Variants in ASXL2 observed in about 807,000 individuals in gnomAD.
The protein encoded by ASXL2 is putative Polycomb group protein ASXL2.
A neutral mutation model predicts 122.0 loss-of-function variants in ASXL2; 23 were observed. The observed-to-expected ratio is 0.19, with a 90% CI of 0.14 to 0.27. The LOEUF is 0.27. Among genes scored for constraint, ASXL2 ranks in the 10% least tolerant of loss-of-function variants. The pLI is 1.00. For missense variants in ASXL2, 1,518 were observed against 1,713.8 expected (o/e 0.89, Z 2.02); for synonymous variants, 650 against 637.0 (o/e 1.02, Z -0.31).
intron 5 of ASXL2, among the ~76,000 whole-genome samples, chr2:25,788,520 A>C (rs1034135382): frequency 6.6e-6 from 1 of 152,198 alleles, no homozygotes; most frequent in African/African-American, 2.4e-5. Flanking sequence ...GCAGTTTTCC[A>C]AAGTAGTTGT....
chr2:25,867,001 A>G (rs566404869), intron 1 of ASXL2, among the ~76,000 whole-genome samples: 1 of 152,230 alleles, frequency 6.6e-6, no homozygotes, highest in South Asian at 2.1e-4. Context: ...CCCAGGTTCA[A>G]GCGATTCTCC....
Position 25,742,930 on chromosome 2 carries a change from T to C in ASXL2, c.3407A>G (p.Glu1136Gly). 1.2e-6 allele frequency: 2 copies of C among 1,614,008 alleles called. No homozygotes were observed. Among genetic ancestry groups the C allele is most frequent in the Non-Finnish European group, 1.7e-6 (2 of 1,179,898 alleles). The change falls in exon 13 of 13, where the codon GAG becomes GGG. Residue 1136 changes from glutamate to glycine, a missense_variant. Transcript: ENST00000435504. ...TACAGAATGGGTCCTCCTAAAGCTC[T>C]CTGAGCCCCGGCCGTAGGTAGAAAT... Reference protein sequence around the residue: ...LNISTYGRGSESFRRTHSVNP... With the variant: ...LNISTYGRGSGSFRRTHSVNP...
intron 9 of ASXL2, among the ~76,000 whole-genome samples, chr2:25,757,275 A>G (rs1258182042): frequency 6.6e-6 from 1 of 152,038 alleles, no homozygotes; most frequent in Non-Finnish European, 1.5e-5. Flanking sequence ...CATAAGGACA[A>G]TGTTACTCAG....
rs1318675721 is a variant in ASXL2, at chr2:25,865,029, G to A, written c.57+13137C>T. Among the ~76,000 whole-genome samples, 3 of 151,548 alleles carry A rather than the reference G, an allele frequency of 2.0e-5. No individual in the cohort carries two copies. In the East Asian group the frequency reaches 5.9e-4, roughly 30 times the overall value. On this transcript the variant is annotated intron_variant, in intron 1 of 12. Coordinates refer to ENST00000435504, the MANE Select transcript of ASXL2 (RefSeq NM_018263.6). ...TTAGAAAAGGGGTTTTGCCATGTTG[G>A]CCAGCTTGGTCTCGAACTCCTGACC...
chr2:25,822,599 G>A, intron 3 of ASXL2: 1 of 532,958 alleles, frequency 1.9e-6, no homozygotes, highest in Non-Finnish European at 3.6e-6. Context: ...CAGAGGAAGT[G>A]ATAATTTTAA....
intron 1 of ASXL2, among the ~76,000 whole-genome samples, chr2:25,848,492 G>A (rs147802809): frequency 5.3e-5 from 8 of 151,978 alleles, no homozygotes; most frequent in East Asian, 1.9e-4. Context: ...GCGTGGTGGC[G>A]GACGCCTGTA....
chr2:25,762,092 ATTG>A (rs1305856623), intron 8 of ASXL2, among the ~76,000 whole-genome samples: 2 of 152,282 alleles, frequency 1.3e-5, no homozygotes, highest in East Asian at 1.9e-4. Flanking sequence ...TTAGCACTGA[ATTG>A]TTGTATTTCC....
At chr2:25,839,612 A>AT (rs2089552731) in intron 2 of ASXL2, among the ~76,000 whole-genome samples, 1 of 99,206 alleles carries the variant, frequency 1.0e-5, no homozygotes, top group African/African-American at 3.7e-5. Flanking sequence ...GGGAAATTCT[A>AT]TCTTTTTTTT....
intron 3 of ASXL2, among the ~76,000 whole-genome samples, chr2:25,824,979 T>C (rs1309312061): frequency 1.3e-5 from 2 of 152,224 alleles, no homozygotes; most frequent in Non-Finnish European, 2.9e-5. Context: ...CTTTGTCTTG[T>C]CTATAATCCT....
At chr2:25,757,749 T>G (rs2088162736) in intron 9 of ASXL2, among the ~76,000 whole-genome samples, 1 of 139,978 alleles carries the variant, frequency 7.1e-6, no homozygotes, top group Non-Finnish European at 1.5e-5. Context: ...CTAGATAACC[T>G]CTAAGATCCC....
intron 11 of ASXL2, 116 bp from the exon 12 acceptor site, chr2:25,750,529 TA>T: frequency 1.1e-6 from 1 of 889,002 alleles, no homozygotes; most frequent in South Asian, 1.8e-5. Context: ...ACACAGCAGG[TA>T]TTCATGTATT....
chr2:25,875,919 G>A (rs1326200527), intron 1 of ASXL2, among the ~76,000 whole-genome samples: 1 of 151,926 alleles, frequency 6.6e-6, no homozygotes, highest in South Asian at 2.1e-4. Context: ...TTATTCTACA[G>A]TCTGAAATAT....
At position 25,743,852 on chromosome 2, in the gene ASXL2, G is replaced by T; in HGVS notation, c.2485C>A (p.Gln829Lys). 3 of 1,614,024 alleles carry T rather than the reference G, an allele frequency of 1.9e-6. No individual in the cohort carries two copies. The highest frequency in any genetic ancestry group is 2.5e-6 in the Non-Finnish European group (3 of 1,179,906). Reference sequence around the variant, plus strand: ...CCTGTTGGAGAAGGTGCTTTCTCCTGTCTGCAACTACTGGGCCCTTGTGGA... The same window carrying T: ...CCTGTTGGAGAAGGTGCTTTCTCCTTTCTGCAACTACTGGGCCCTTGTGGA... ...SHPQGPSSCR[Q>K]EKAPSPTGPA... is the part of the protein sequence containing the mutation. Residue 829 changes from glutamine to lysine, a missense_variant, in exon 13 of 13, where the codon CAG becomes AAG. Physicochemically the swap from Gln to Lys is moderately conservative, Grantham distance 53. This residue lies in a region of ASXL2 where 831 missense variants were observed against 833.1 expected (regional missense o/e 1.00). Transcript: ENST00000435504.
chr2:25,742,405 A>C lies in ASXL2; in HGVS notation c.3932T>G (p.Leu1311Arg), dbSNP rs377592465. 5 of 677,134 alleles carry C rather than the reference A, an allele frequency of 7.4e-6. No individual in the cohort carries two copies. In the African/African-American group the frequency reaches 1.9e-4, roughly 26 times the overall value. The allele number at this position is 677,134 out of a possible 1,614,324, so 41.9% of individuals were successfully genotyped here. A position where few individuals can be genotyped will look rare whatever the true frequency, so the allele number is the denominator to read the frequency against. ...GCTTCCATACAACTTCGGGGTTTGC[A>C]GGGGTGGAAGGAGTAGGGGCTGGTG... ...PTHQPLLLPP[L>R]QTPKLYGSPT... The change falls in exon 13 of 13, where the codon CTG becomes CGG. Residue 1311 changes from leucine to arginine, a missense_variant. Physicochemically the swap from Leu to Arg is moderately radical, Grantham distance 102. Coordinates refer to ENST00000435504, the MANE Select transcript of ASXL2 (RefSeq NM_018263.6).
chr2:25,769,680 A>G (rs2088413214), intron 6 of ASXL2, among the ~76,000 whole-genome samples: 1 of 151,936 alleles, frequency 6.6e-6, no homozygotes, highest in Admixed American at 6.6e-5. Context: ...AAAAAAAAAG[A>G]AAAAGAAACG....
At chr2:25,758,680 G>T (rs867019809) in intron 9 of ASXL2, among the ~76,000 whole-genome samples, 3,459 of 133,800 alleles carry the variant, frequency 0.026, 122 homozygotes, top group African/African-American at 0.082. Flanking sequence ...TGCTACTTTT[G>T]TTTTTTTTTT....
chr2:25,872,858 T>C (rs1237413882), intron 1 of ASXL2, among the ~76,000 whole-genome samples: 1 of 152,136 alleles, frequency 6.6e-6, no homozygotes. Flanking sequence ...AAAAAGCACT[T>C]AGCCCAGACG....
At position 25,744,554 on chromosome 2, in the gene ASXL2, C is replaced by T. The variant is rs562967898; in HGVS notation, c.1861-78G>A. 16 of 1,460,142 alleles carry T rather than the reference C, an allele frequency of 1.1e-5. No homozygotes were observed. Among genetic ancestry groups the T allele is most frequent in the East Asian group, 6.8e-5 (3 of 43,830 alleles). The allele number at this position is 1,460,142 out of a possible 1,614,324, so 90.4% of individuals were successfully genotyped here. On this transcript the variant is annotated intron_variant, in intron 12 of 12. Coordinates refer to ENST00000435504, the MANE Select transcript of ASXL2 (RefSeq NM_018263.6). This position sits in a 1 kb window ranked among gnomAD's most constrained non-coding sequence, Gnocchi z 4.7. ...AATAACAAAACTTCATTAGCCCTCA[C>T]ATTTTAAAAACAGATGAACACTACA...
intron 1 of ASXL2, chr2:25,856,958 T>C: frequency 2.0e-6 from 1 of 494,900 alleles, no homozygotes; most frequent in Non-Finnish European, 3.7e-6. Flanking sequence ...CTACATAGGC[T>C]ACAAGTTCTA....
Sources: gnomAD v4.1 joint callset for allele counts (sites outside exome capture counted in the v4.1 genomes callset) on GRCh38, gnomAD v4.1.1 for gene constraint, gnomAD v4.1.1 regional missense constraint, Gnocchi (gnomAD v3.1) non-coding constraint, MANE v1.5 for transcripts, NCBI Gene and HGNC (gene_info 2026-07-23, HGNC 2026-07-21) for gene names.